The following NIN variants were observed in gnomAD, a reference collection of about 807,000 sequenced individuals.
NIN encodes glycogen synthase kinase 3 beta-interacting protein.
Under a neutral mutation model 257.6 loss-of-function variants are expected in NIN, and 137 were observed. That is an observed-to-expected ratio of 0.53 (90% CI 0.46 to 0.61). NIN has a LOEUF of 0.61. NIN is among the 20% of genes least tolerant of loss of function. The pLI is 0.00. For synonymous variants in NIN, 918 were observed against 919.8 expected (o/e 1.00, Z 0.04); for missense variants, 2,439 against 2,501.2 (o/e 0.98, Z 0.53).
chr14:50,774,922 C>A (rs1025426776), intron 7 of NIN, among the ~76,000 whole-genome samples: 2 of 152,234 alleles, frequency 1.3e-5, no homozygotes, highest in Non-Finnish European at 2.9e-5. Flanking sequence ...TGAGCAGGAG[C>A]TGTCTCTGGA....
At chr14:50,796,257 CA>C (rs1285878642) in intron 4 of NIN, among the ~76,000 whole-genome samples, 1 of 152,178 alleles carries the variant, frequency 6.6e-6, no homozygotes, top group Admixed American at 6.5e-5. Flanking sequence ...TTATGAGACA[CA>C]CCAATCAGAG....
intron 4 of NIN, among the ~76,000 whole-genome samples, chr14:50,794,752 T>C (rs2043759617): frequency 6.9e-6 from 1 of 144,074 alleles, no homozygotes; most frequent in African/African-American, 2.7e-5. Flanking sequence ...GCTGCACTTA[T>C]TCAGAGGTTA....
Position 50,738,302 on chromosome 14 carries a change from G to GT in NIN, c.5629-17dup, listed in dbSNP as rs774875320. ...ACTGACGGACCTAACAGGAACAAAT[G>GT]TAAGAGGAAAAAATGCTAATACAAT... On this transcript the variant is annotated splice_polypyrimidine_tract_variant and intron_variant, in intron 26 of 30. Transcript: ENST00000530997. The GT allele has an allele frequency of 1.0e-5, 16 of 1,605,576 alleles. No homozygotes were observed. Among genetic ancestry groups the GT allele is most frequent in the Non-Finnish European group, 1.4e-5 (16 of 1,177,072 alleles).
At chr14:50,790,137 C>G (rs1244409766) in intron 5 of NIN, among the ~76,000 whole-genome samples, 1 of 152,166 alleles carries the variant, frequency 6.6e-6, no homozygotes, top group African/African-American at 2.4e-5. Flanking sequence ...TCACTGCAAC[C>G]TCTGTCTCTT....
rs1230079166 is a variant in NIN, at chr14:50,756,793, G to T, written c.4237C>A (p.His1413Asn). 1.3e-6 allele frequency: 2 copies of T among 1,551,578 alleles called. No homozygotes were observed. Among genetic ancestry groups the T allele is most frequent in the Admixed American group, 3.9e-5 (2 of 50,990 alleles). Residue 1413 changes from histidine to asparagine, a missense_variant, in exon 18 of 31, where the codon CAT becomes AAT. Physicochemically the swap from His to Asn is moderately conservative, Grantham distance 68. Coordinates refer to ENST00000530997, the MANE Select transcript of NIN (RefSeq NM_020921.4). ...KVKAHEIAWLHGTIQTHQERP... is the reference protein window; with the variant it reads ...KVKAHEIAWLNGTIQTHQERP... Reference sequence around the variant, plus strand: ...TCTTGATGTGTCTGAATTGTTCCATGTAACCAGGCAATTTCATGTGCTTTT... The same window carrying T: ...TCTTGATGTGTCTGAATTGTTCCATTTAACCAGGCAATTTCATGTGCTTTT...
At chr14:50,805,524 C>T (rs371585437) in intron 4 of NIN, among the ~76,000 whole-genome samples, 4 of 152,124 alleles carry the variant, frequency 2.6e-5, no homozygotes, top group Non-Finnish European at 5.9e-5. Flanking sequence ...CTGCTAAAGG[C>T]AGTGTCCATA....
chr14:50,729,082 G>C (rs539984691), intron 29 of NIN, among the ~76,000 whole-genome samples: 1 of 152,154 alleles, frequency 6.6e-6, no homozygotes, highest in Non-Finnish European at 1.5e-5. Flanking sequence ...ATTGTGCGCT[G>C]TGTTTAAGTG....
chr14:50,797,497 A>G (rs1393948309), intron 4 of NIN, among the ~76,000 whole-genome samples: 1 of 152,278 alleles, frequency 6.6e-6, no homozygotes, highest in South Asian at 2.1e-4. Context: ...TGAAAAGGAA[A>G]GGTAAAAAAT....
intron 25 of NIN, 49 bp downstream of exon 25, chr14:50,741,533 A>G (rs777213538): frequency 1.3e-6 from 2 of 1,550,290 alleles, no homozygotes; most frequent in South Asian, 1.1e-5. Context: ...TAAGATTTGT[A>G]TACTTTACTG....
At chr14:50,778,271 G>A (rs568559940) in intron 6 of NIN, among the ~76,000 whole-genome samples, 2 of 152,230 alleles carry the variant, frequency 1.3e-5, no homozygotes, top group East Asian at 1.9e-4. Context: ...TCCAACTCTC[G>A]GGCTTAATGG....
chr14:50,790,305 C>T (rs1026879228), intron 5 of NIN, among the ~76,000 whole-genome samples: 1 of 152,178 alleles, frequency 6.6e-6, no homozygotes, highest in African/African-American at 2.4e-5. Context: ...ATCCTCCTGC[C>T]TTGGCCTCCC....
At chr14:50,767,795 C>A (rs562728334) in intron 12 of NIN, among the ~76,000 whole-genome samples, 11 of 142,308 alleles carry the variant, frequency 7.7e-5, no homozygotes, top group Admixed American at 5.1e-4. Flanking sequence ...CCAGCCTGGG[C>A]GACACAGCAA....
At chr14:50,816,146 T>C (rs1336657498) in intron 3 of NIN, among the ~76,000 whole-genome samples, 1 of 146,252 alleles carries the variant, frequency 6.8e-6, no homozygotes, top group African/African-American at 2.6e-5. Flanking sequence ...AGGTGAACAA[T>C]GAAAACACAT....
At chr14:50,779,178 T>C (rs1175919704) in intron 5 of NIN, among the ~76,000 whole-genome samples, 1 of 152,236 alleles carries the variant, frequency 6.6e-6, no homozygotes, top group Non-Finnish European at 1.5e-5. Flanking sequence ...AATAAATGTG[T>C]ACTGAGTGCT....
At chr14:50,724,831 G>A (rs1231488743) in intron 30 of NIN, among the ~76,000 whole-genome samples, 1 of 152,180 alleles carries the variant, frequency 6.6e-6, no homozygotes, top group Non-Finnish European at 1.5e-5. Flanking sequence ...TCAAGATGCA[G>A]CTTCAGAGGT....
In NIN at chr14:50,721,254, TAG is replaced by T; in HGVS notation, c.*2207_*2208del. ...ATTTGAGCAGCATTTTGATTTTGAA[TAG>T]AGATTCTAAATGTAGTCTAAACTTT... On this transcript the variant is annotated 3_prime_UTR_variant, in exon 31 of 31. Coordinates refer to ENST00000530997, the MANE Select transcript of NIN (RefSeq NM_020921.4). The T allele has an allele frequency of 4.9e-6, 1 of 203,206 alleles. No individual in the cohort carries two copies. The highest frequency in any genetic ancestry group is 6.0e-5 in the Admixed American group (1 of 16,728). The allele number at this position is 203,206 out of a possible 1,614,324, so 12.6% of individuals were successfully genotyped here. A position where few individuals can be genotyped will look rare whatever the true frequency, so the allele number is the denominator to read the frequency against.
intron 2 of NIN, among the ~76,000 whole-genome samples, chr14:50,822,524 G>C (rs1449666091): frequency 6.6e-6 from 1 of 152,180 alleles, no homozygotes; most frequent in Non-Finnish European, 1.5e-5. Flanking sequence ...CAGACTGCAT[G>C]GTCAGAGCTT....
rs1282713421 is a variant in NIN, at chr14:50,722,197, G to C, written c.*1266C>G. ...GGTTACCGAATCTAAAATGTTGACT[G>C]TTCTATAAAGTTTTGATCTTGAGCA... On this transcript the variant is annotated 3_prime_UTR_variant, in exon 31 of 31. Coordinates refer to ENST00000530997, the MANE Select transcript of NIN (RefSeq NM_020921.4). 4.4e-6 allele frequency: 1 copy of C among 226,482 alleles called. No homozygotes were observed. Among genetic ancestry groups the C allele is most frequent in the Non-Finnish European group, 8.8e-6 (1 of 113,842 alleles). 14.0% of individuals were successfully genotyped at this position (226,482 alleles called of 1,614,324 possible).
chr14:50,828,128 T>C (rs1379721845), intron 2 of NIN, among the ~76,000 whole-genome samples: 1 of 151,458 alleles, frequency 6.6e-6, no homozygotes, highest in Non-Finnish European at 1.5e-5. Context: ...GGAGAAAGCT[T>C]ATAACAACTT....
Sources: allele counts gnomAD v4.1 joint callset (sites outside exome capture counted in the v4.1 genomes callset), GRCh38; gene constraint gnomAD v4.1.1; transcripts MANE v1.5; gene names NCBI Gene and HGNC (gene_info 2026-07-23, HGNC 2026-07-21).